SEC63: variants seen among roughly 807,000 people sequenced by gnomAD.
The protein encoded by SEC63 is translocation protein SEC63 homolog.
In SEC63, 56 loss-of-function variants were observed where a neutral mutation model predicts 116.2. That is an observed-to-expected ratio of 0.48 (90% CI 0.39 to 0.60). The LOEUF (loss-of-function observed/expected upper bound fraction) is 0.60. Ranked by LOEUF, SEC63 falls within the 20% of genes least tolerant of loss-of-function variation. The probability of loss-of-function intolerance (pLI) is 0.00; values close to 1 mark genes in which losing one functional copy is unlikely to be tolerated. For missense variants in SEC63, 668 were observed against 900.0 expected, an observed-to-expected ratio of 0.74 and a Z score of 3.30; for synonymous variants, 273 against 294.6, an observed-to-expected ratio of 0.93 and a Z score of 0.75.
chr6:107,907,562 A>G (rs1787173618), intron 8 of SEC63, among the ~76,000 whole-genome samples: 3 of 152,188 alleles, frequency 2.0e-5, no homozygotes, highest in Admixed American at 2.0e-4. Context: ...AGCCTGGGAG[A>G]TGAGAGAAAC....
chr6:107,951,089 A>G (rs1367968883), intron 1 of SEC63, among the ~76,000 whole-genome samples: 1 of 152,230 alleles, frequency 6.6e-6, no homozygotes, highest in African/African-American at 2.4e-5. Context: ...CATTAAGAAC[A>G]CTTCTCATTT....
intron 2 of SEC63, among the ~76,000 whole-genome samples, chr6:107,928,247 C>T (rs147457550): frequency 6.6e-6 from 1 of 152,212 alleles, no homozygotes; most frequent in African/African-American, 2.4e-5. Flanking sequence ...CTTTTGGAGG[C>T]CGAGGCAGGC....
At chr6:107,876,529 T>G in intron 19 of SEC63, 35 bp downstream of exon 19, 6 of 1,253,008 alleles carry the variant, frequency 4.8e-6, no homozygotes, top group Non-Finnish European at 7.0e-6. Flanking sequence ...AGCTGTGCCT[T>G]GTTAAACACT....
intron 14 of SEC63, among the ~76,000 whole-genome samples, chr6:107,895,533 A>C (rs1370937573): frequency 2.0e-5 from 3 of 151,936 alleles, no homozygotes; most frequent in Non-Finnish European, 4.4e-5. Flanking sequence ...ACACAGTGAG[A>C]CCTCCATCTC....
intron 16 of SEC63, among the ~76,000 whole-genome samples, chr6:107,888,662 T>C (rs1003133407): frequency 9.2e-5 from 14 of 152,194 alleles, no homozygotes; most frequent in African/African-American, 3.1e-4. Flanking sequence ...GGCATCCTTG[T>C]CTTGTGCTGG....
At chr6:107,908,777 G>A in intron 8 of SEC63, 150 bp downstream of exon 8, 1 of 522,910 alleles carries the variant, frequency 1.9e-6, no homozygotes, top group South Asian at 2.7e-5. Context: ...AAGGGTGCTG[G>A]CATTTTTCTC....
Position 107,868,758 on chromosome 6 carries a change from G to T in SEC63, c.*2946C>A, listed in dbSNP as rs748298477. ...CTCATCTACCTGCTCTAACACCAGCGAGTGAGTTCTTAACACTATTTTTTT... is the reference window on the plus strand; with the variant it reads ...CTCATCTACCTGCTCTAACACCAGCTAGTGAGTTCTTAACACTATTTTTTT... On this transcript the variant is annotated 3_prime_UTR_variant, in exon 21 of 21. Transcript: ENST00000369002. The T allele has an allele frequency of 6.6e-6, 1 of 151,682 alleles. No homozygotes were observed. The highest frequency in any genetic ancestry group is 1.9e-4 in the East Asian group (1 of 5,186). The allele number at this position is 151,682 out of a possible 1,614,324, so 9.4% of individuals were successfully genotyped here.
At chr6:107,877,650 C>T (rs1786312412) in intron 18 of SEC63, among the ~76,000 whole-genome samples, 1 of 152,132 alleles carries the variant, frequency 6.6e-6, no homozygotes, top group Non-Finnish European at 1.5e-5. Context: ...TTATGTTGCC[C>T]TGGCTGGTCT....
At chr6:107,954,156 G>A (rs891313390) in intron 1 of SEC63, among the ~76,000 whole-genome samples, 1 of 152,046 alleles carries the variant, frequency 6.6e-6, no homozygotes, top group Non-Finnish European at 1.5e-5. Context: ...CCTGTTGATC[G>A]GTGACCCTAC....
rs1252487324 is a variant in SEC63, at chr6:107,868,260, TTTG to T, written c.*3441_*3443del. 3 of 152,008 alleles carry T rather than the reference TTTG, an allele frequency of 2.0e-5. No individual in the cohort carries two copies. Among genetic ancestry groups the T allele is most frequent in the Non-Finnish European group, 2.9e-5 (2 of 67,992 alleles). The allele number at this position is 152,008 out of a possible 1,614,324, so 9.4% of individuals were successfully genotyped here. A position where few individuals can be genotyped will look rare whatever the true frequency, so the allele number is the denominator to read the frequency against. ...AACATTTTAAAGGAAAGGATGATGA[TTTG>T]TTGTTTTTGTTTTTTTTCCAAAAAA... On this transcript the variant is annotated 3_prime_UTR_variant, in exon 21 of 21. Coordinates refer to ENST00000369002, the MANE Select transcript of SEC63 (RefSeq NM_007214.5).
At chr6:107,899,870 C>T (rs984137730) in intron 13 of SEC63, among the ~76,000 whole-genome samples, 18 of 152,168 alleles carry the variant, frequency 1.2e-4, no homozygotes, top group Non-Finnish European at 2.4e-4. Context: ...TTTTTAAAGT[C>T]TGAAAACTCA....
At chr6:107,936,958 G>T (rs962248450) in intron 1 of SEC63, among the ~76,000 whole-genome samples, 1 of 152,040 alleles carries the variant, frequency 6.6e-6, no homozygotes, top group African/African-American at 2.4e-5. Context: ...GTCCATGTGT[G>T]CCCAATGTTT....
At chr6:107,908,410 A>T (rs1260842837) in intron 8 of SEC63, among the ~76,000 whole-genome samples, 3 of 152,314 alleles carry the variant, frequency 2.0e-5, no homozygotes, top group Non-Finnish European at 4.4e-5. Context: ...AACACACCTA[A>T]GACTTTTTAT....
intron 3 of SEC63, among the ~76,000 whole-genome samples, chr6:107,924,300 C>G (rs1226800512): frequency 7.7e-6 from 1 of 129,816 alleles, no homozygotes; most frequent in African/African-American, 2.9e-5. Flanking sequence ...GTTAACCGGC[C>G]GGGCGCGGTG....
intron 1 of SEC63, among the ~76,000 whole-genome samples, chr6:107,940,336 C>A (rs890204853): frequency 2.6e-5 from 4 of 152,194 alleles, no homozygotes; most frequent in African/African-American, 9.7e-5. Flanking sequence ...AGGTACTTGA[C>A]AGCAGCATAC....
Position 107,917,113 on chromosome 6 carries a change from T to A in SEC63, c.453-3686A>T, listed in dbSNP as rs188037235. 2.5e-4 allele frequency among the ~76,000 whole-genome samples: 38 copies of A among 152,334 alleles called. 1 individual carries two copies. In the East Asian group the frequency reaches 7.1e-3, roughly 29 times the overall value. ...CAGAGCAGAAAACTGCTTAAAGGCA[T>A]TCTTAAGCCACAAACAACAGCATGA... On this transcript the variant is annotated intron_variant, in intron 4 of 20. Coordinates refer to ENST00000369002, the MANE Select transcript of SEC63 (RefSeq NM_007214.5).
chr6:107,940,704 C>T (rs148644389), intron 1 of SEC63, among the ~76,000 whole-genome samples: 81 of 149,384 alleles, frequency 5.4e-4, no homozygotes, highest in South Asian at 8.5e-4. Context: ...ATATCAGGAA[C>T]ACAGGGAAAA....
At chr6:107,900,977 A>G (rs1183115074) in intron 13 of SEC63, among the ~76,000 whole-genome samples, 1 of 152,246 alleles carries the variant, frequency 6.6e-6, no homozygotes, top group Non-Finnish European at 1.5e-5. Flanking sequence ...ATTAACATAA[A>G]TAAGTTGGGT....
At chr6:107,940,493 T>C (rs923870290) in intron 1 of SEC63, among the ~76,000 whole-genome samples, 2 of 152,156 alleles carry the variant, frequency 1.3e-5, no homozygotes, top group Admixed American at 6.6e-5. Flanking sequence ...TTAGGATGTT[T>C]AGCAGCATCG....
Sources: allele counts gnomAD v4.1 joint callset (sites outside exome capture counted in the v4.1 genomes callset), GRCh38; gene constraint gnomAD v4.1.1; transcripts MANE v1.5; gene names NCBI Gene and HGNC (gene_info 2026-07-23, HGNC 2026-07-21).